The following CTRC variants were observed in gnomAD, a reference collection of about 807,000 sequenced individuals.
The protein encoded by CTRC is chymotrypsin C, also known as chymotrypsin-C.
A neutral mutation model predicts 35.7 loss-of-function variants in CTRC; 32 were observed. That is an observed-to-expected ratio of 0.90 (90% confidence interval 0.68 to 1.20). The LOEUF (loss-of-function observed/expected upper bound fraction) is 1.20. CTRC is among the 50% of genes most tolerant of loss of function. The probability of loss-of-function intolerance (pLI) is 0.00; values close to 1 mark genes in which losing one functional copy is unlikely to be tolerated. For missense variants in CTRC, 324 were observed against 361.5 expected, an observed-to-expected ratio of 0.90 and a Z score of 0.84; for synonymous variants, 119 against 149.5, an observed-to-expected ratio of 0.80 and a Z score of 1.49.
At chr1:15,445,179 C>G (rs1708198397) in intron 6 of CTRC, among the ~76,000 whole-genome samples, 1 of 152,158 alleles carries the variant, frequency 6.6e-6, no homozygotes, top group Non-Finnish European at 1.5e-5. Flanking sequence ...CTAAGACAAT[C>G]AGGGAATGTC....
chr1:15,446,621 T>C lies in CTRC; in HGVS notation c.*32T>C. The C allele has an allele frequency of 6.2e-7, 1 of 1,613,784 alleles. No individual in the cohort carries two copies. The highest frequency in any genetic ancestry group is 1.1e-5 in the South Asian group (1 of 91,084). ...GCTGGGAGCGGCGGCAGCGAGTCCC[T>C]GCAACAGCAATAAACTTCCTTCTCC... On this transcript the variant is annotated 3_prime_UTR_variant, in exon 8 of 8. Transcript: ENST00000375949.
intron 5 of CTRC, among the ~76,000 whole-genome samples, chr1:15,444,291 T>C (rs146698163): frequency 5.1e-4 from 78 of 151,466 alleles, no homozygotes; most frequent in African/African-American, 1.8e-3. Context: ...ATAGAAAATC[T>C]TGGGGGTGAG....
At chr1:15,440,213 G>T in intron 1 of CTRC, 87 bp from the exon 2 acceptor site, 1 of 1,164,872 alleles carries the variant, frequency 8.6e-7, no homozygotes, top group Non-Finnish European at 1.3e-6. Flanking sequence ...CCAACTCTGT[G>T]CTTCTTCCAC....
In CTRC at chr1:15,440,586, A is replaced by G. The variant is rs910219514; in HGVS notation, c.226A>G (p.Ile76Val). The G allele has an allele frequency of 1.9e-6, 3 of 1,613,966 alleles. No individual in the cohort carries two copies. The highest frequency in any genetic ancestry group is 2.5e-6 in the Non-Finnish European group (3 of 1,179,942). The change falls in exon 3 of 8, where the codon ATC (isoleucine) becomes GTC (valine). Residue 76 changes from isoleucine to valine, a missense_variant. Transcript: ENST00000375949. ...SNFVLTAAHC[I>V]SNTRTYRVAV... ...CTTCGTCCTCACTGCCGCCCACTGCATCAGGTGTGCGGGGATGATACCCTG... is the reference window on the plus strand; with the variant it reads ...CTTCGTCCTCACTGCCGCCCACTGCGTCAGGTGTGCGGGGATGATACCCTG...
At chr1:15,444,784 T>G in intron 6 of CTRC, 33 bp downstream of exon 6, 1 of 1,613,962 alleles carries the variant, frequency 6.2e-7, no homozygotes, top group Non-Finnish European at 8.5e-7. Context: ...TTGTCCCTAC[T>G]CCAAGTGGCC....
At chr1:15,442,662 A>G in intron 4 of CTRC, 90 bp downstream of exon 4, 2 of 1,552,620 alleles carry the variant, frequency 1.3e-6, no homozygotes, top group Non-Finnish European at 1.8e-6. Flanking sequence ...GTCGCACCCC[A>G]TACCTGACAC....
rs1029989277 is a variant in CTRC at position 15,446,785 on chromosome 1, C to T, written c.*196C>T. 2.8e-6 allele frequency: 2 copies of T among 708,094 alleles called. No homozygotes were observed. The highest frequency in any genetic ancestry group is 5.0e-6 in the Non-Finnish European group (2 of 396,840). The allele number at this position is 708,094 out of a possible 1,614,324, so 43.9% of individuals were successfully genotyped here. On this transcript the variant is annotated 3_prime_UTR_variant, in exon 8 of 8. Transcript: ENST00000375949. The stretch of plus-strand genomic sequence containing the variant: ...ACCCTGCATTAGACAGGTGGGGAAA[C>T]AGAGGCCGGGAGAGAGGGCCAAGGA...
Position 15,445,761 on chromosome 1 carries a change from C to T in CTRC, c.792+12C>T. 1 of 1,613,946 alleles carries T rather than the reference C, an allele frequency of 6.2e-7. No individual in the cohort carries two copies. The highest frequency in any genetic ancestry group is 1.1e-5 in the South Asian group (1 of 91,086). ...ACTGGATCAACGAGGTGGGTGCTGCCTCCACAGCTGTCCCTGCACCTGTCA... is the reference window on the plus strand; with the variant it reads ...ACTGGATCAACGAGGTGGGTGCTGCTTCCACAGCTGTCCCTGCACCTGTCA... On this transcript the variant is annotated intron_variant, in intron 7 of 7. Coordinates refer to ENST00000375949, the MANE Select transcript of CTRC (RefSeq NM_007272.3).
At chr1:15,440,435 G>A (rs373205674) in intron 2 of CTRC, 44 bp downstream of exon 2, 207 of 1,611,894 alleles carry the variant, frequency 1.3e-4, no homozygotes, top group Admixed American at 8.0e-4. Flanking sequence ...AGAGGGTGGC[G>A]GGGTGAGGGT....
chr1:15,445,231 T>G (rs1228036767), intron 6 of CTRC, among the ~76,000 whole-genome samples: 3 of 152,140 alleles, frequency 2.0e-5, no homozygotes, highest in Non-Finnish European at 4.4e-5. Flanking sequence ...CTCACCCTCC[T>G]TCCTCACCTT....
chr1:15,442,909 C>A (rs1263272832), intron 4 of CTRC, among the ~76,000 whole-genome samples: 3 of 152,148 alleles, frequency 2.0e-5, no homozygotes, highest in Non-Finnish European at 4.4e-5. Flanking sequence ...ATGTAATCCT[C>A]ACAACAGCCC....
In CTRC at chr1:15,445,757, C is replaced by T. The variant is rs1410311419; in HGVS notation, c.792+8C>T. On this transcript the variant is annotated splice_region_variant and intron_variant, in intron 7 of 7. Transcript: ENST00000375949. ...ATCGACTGGATCAACGAGGTGGGTG[C>T]TGCCTCCACAGCTGTCCCTGCACCT... 6.2e-7 allele frequency: 1 copy of T among 1,613,980 alleles called. No individual in the cohort carries two copies.
chr1:15,438,599 C>A, intron 1 of CTRC, 95 bp downstream of exon 1: 1 of 1,405,522 alleles, frequency 7.1e-7, no homozygotes, highest in Non-Finnish European at 1.0e-6. Context: ...CCTCTGCTCT[C>A]CAGGTAAGAC....
intron 1 of CTRC, among the ~76,000 whole-genome samples, chr1:15,439,291 T>G (rs1466297623): frequency 6.6e-6 from 1 of 151,844 alleles, no homozygotes; most frequent in Non-Finnish European, 1.5e-5. Context: ...CCAGGCGTGG[T>G]GGCGGGCACC....
In CTRC at chr1:15,444,787, A is replaced by G. The variant is rs770446333; in HGVS notation, c.639+36A>G. On this transcript the variant is annotated intron_variant, in intron 6 of 7. Transcript: ENST00000375949. ...AGGTTCTGCACCTTGTCCCTACTCC[A>G]AGTGGCCAAGTGGATGTGGGCAAAG... 5 of 1,613,702 alleles carry G rather than the reference A, an allele frequency of 3.1e-6. No individual in the cohort carries two copies. The Admixed American group carries it at 6.7e-5, about 22-fold the overall frequency.
intron 5 of CTRC, 130 bp downstream of exon 5, chr1:15,443,685 T>C: frequency 9.2e-7 from 1 of 1,085,936 alleles, no homozygotes. Flanking sequence ...CAATAACAGC[T>C]AATATTTACT....
At chr1:15,440,955 G>T (rs1162088915) in intron 3 of CTRC, among the ~76,000 whole-genome samples, 1 of 152,124 alleles carries the variant, frequency 6.6e-6, no homozygotes, top group Non-Finnish European at 1.5e-5. Flanking sequence ...CGACGCAGGC[G>T]GATCACCTGA....
intron 7 of CTRC, among the ~76,000 whole-genome samples, 174 bp downstream of exon 7, chr1:15,445,923 C>T (rs1047187609): frequency 6.7e-6 from 1 of 149,892 alleles, no homozygotes; most frequent in African/African-American, 2.5e-5. Context: ...TTCAGTCACT[C>T]ATTCATGTAT....
chr1:15,442,027 C>T (rs925251473), intron 3 of CTRC, among the ~76,000 whole-genome samples: 4 of 152,166 alleles, frequency 2.6e-5, no homozygotes, highest in African/African-American at 7.2e-5. Flanking sequence ...CAGGCATGAG[C>T]CAACGCACCT....
Sources: allele counts gnomAD v4.1 joint callset (sites outside exome capture counted in the v4.1 genomes callset), GRCh38; gene constraint gnomAD v4.1.1; transcripts MANE v1.5; gene names NCBI Gene and HGNC (gene_info 2026-07-23, HGNC 2026-07-21).